The following WDR48 variants were observed in gnomAD, a reference collection of about 807,000 sequenced individuals.
WDR48 encodes the protein WD repeat-containing protein 48.
WDR48 carries 22 observed loss-of-function variants against 94.0 expected under a neutral mutation model. The observed-to-expected ratio is 0.23, with a 90% CI of 0.17 to 0.33. WDR48 has a LOEUF of 0.33. Among genes scored for constraint, WDR48 ranks in the 10% least tolerant of loss-of-function variants. The pLI is 1.00. For synonymous variants in WDR48, 278 were observed against 280.5 expected (o/e 0.99, Z 0.09); for missense variants, 541 against 813.8 (o/e 0.66, Z 4.08).
chr3:39,055,834 A>G (rs1305850660), intron 1 of WDR48, among the ~76,000 whole-genome samples: 4 of 152,120 alleles, frequency 2.6e-5, no homozygotes, highest in Non-Finnish European at 5.9e-5. Flanking sequence ...AGTGCTTCAC[A>G]GTGCTTGGGG....
chr3:39,065,556 C>CAAAA (rs34404622), intron 2 of WDR48, among the ~76,000 whole-genome samples: 1 of 116,562 alleles, frequency 8.6e-6, no homozygotes, highest in Admixed American at 8.8e-5. Context: ...TTTAACAAGG[C>CAAAA]AAAAAAAAAA....
intron 5 of WDR48, 107 bp downstream of exon 5, chr3:39,066,982 T>A (rs2033645955): frequency 7.4e-7 from 1 of 1,349,848 alleles, no homozygotes; most frequent in African/African-American, 1.5e-5. Flanking sequence ...GTGTTTCATA[T>A]TTTGAGAGTG....
chr3:39,070,905 T>G (rs1208825771), intron 7 of WDR48, among the ~76,000 whole-genome samples: 1 of 152,112 alleles, frequency 6.6e-6, no homozygotes, highest in Non-Finnish European at 1.5e-5. Context: ...ATTGTTCAGT[T>G]CCCACCTATG....
In WDR48 at chr3:39,094,858, T is replaced by A. The variant is rs1325441474; in HGVS notation, c.*115T>A. On this transcript the variant is annotated 3_prime_UTR_variant, in exon 19 of 19. Coordinates refer to ENST00000302313, the MANE Select transcript of WDR48 (RefSeq NM_020839.4). ...AGCAAGACTTCTAACGGCTGATTGG[T>A]ATGGACCGAGATTATCTTTCAATTG... 7.7e-6 allele frequency: 10 copies of A among 1,297,982 alleles called. No individual in the cohort carries two copies. Among genetic ancestry groups the A allele is most frequent in the Non-Finnish European group, 1.1e-5 (10 of 938,532 alleles). The allele number at this position is 1,297,982 out of a possible 1,614,324, so 80.4% of individuals were successfully genotyped here. A position where few individuals can be genotyped will look rare whatever the true frequency, so the allele number is the denominator to read the frequency against.
At chr3:39,058,686 C>G (rs1257771175) in intron 1 of WDR48, among the ~76,000 whole-genome samples, 1 of 152,132 alleles carries the variant, frequency 6.6e-6, no homozygotes, top group African/African-American at 2.4e-5. Context: ...CTTTTATATG[C>G]CAGACACTAT....
rs376829926 is a variant in WDR48 at position 39,065,241 on chromosome 3, CG to C, written c.190-569del. On this transcript the variant is annotated intron_variant, in intron 2 of 18. Coordinates refer to ENST00000302313, the MANE Select transcript of WDR48 (RefSeq NM_020839.4). ...GTGACACAGGTTGTCCTTTCTCAGC[CG>C]TTGGGTTTCCTTTCATCTCTGAAGG... Among the ~76,000 whole-genome samples the C allele has an allele frequency of 2.2e-4, 33 of 152,278 alleles. No individual in the cohort carries two copies. In the East Asian group the frequency reaches 4.0e-3, roughly 19 times the overall value.
intron 1 of WDR48, among the ~76,000 whole-genome samples, chr3:39,059,247 A>G (rs1575391313): frequency 2.0e-5 from 3 of 152,276 alleles, no homozygotes; most frequent in Admixed American, 2.0e-4. Flanking sequence ...AAAGCTGGAG[A>G]AAGAGTATTC....
At chr3:39,067,336 A>G (rs1415140751) in intron 5 of WDR48, among the ~76,000 whole-genome samples, 1 of 152,222 alleles carries the variant, frequency 6.6e-6, no homozygotes, top group African/African-American at 2.4e-5. Context: ...GGAGAAAGAA[A>G]GAAAAGGTTT....
At chr3:39,052,487 G>T (rs1042750700) in intron 1 of WDR48, 8 of 188,580 alleles carry the variant, frequency 4.2e-5, no homozygotes, top group Non-Finnish European at 8.8e-5. Context: ...AGGAGTGAGC[G>T]GCTTGTGCGG....
At chr3:39,087,922 AT>A (rs903431838) in intron 14 of WDR48, 5 of 543,614 alleles carry the variant, frequency 9.2e-6, no homozygotes, top group African/African-American at 7.6e-5. Context: ...AAATACAGTC[AT>A]TTTTTCCATG....
chr3:39,081,095 C>T (rs6766989), intron 11 of WDR48, among the ~76,000 whole-genome samples: 23,103 of 151,822 alleles, frequency 0.15, 3,495 homozygotes, highest in African/African-American at 0.4. Flanking sequence ...AGCTGGAAGA[C>T]GTCATGATTG....
rs1203768531 is a variant in WDR48, at chr3:39,088,183, C to G, written c.1530C>G (p.Pro510=). ...VQKGNGYFQV[P]PHTPVIFGEA... ...AGGGAAATGGATATTTTCAAGTGCCCCCACATACACCCGTGATCTTTGGTG... is the reference window on the plus strand; with the variant it reads ...AGGGAAATGGATATTTTCAAGTGCCGCCACATACACCCGTGATCTTTGGTG... Residue 510 remains proline, a synonymous_variant, in exon 15 of 19, where the codon CCC becomes CCG. Transcript: ENST00000302313. The G allele has an allele frequency of 6.2e-7, 1 of 1,614,090 alleles. No individual in the cohort carries two copies. Among genetic ancestry groups the G allele is most frequent in the South Asian group, 1.1e-5 (1 of 91,072 alleles).
At chr3:39,058,046 A>G (rs1455938176) in intron 1 of WDR48, among the ~76,000 whole-genome samples, 2 of 152,254 alleles carry the variant, frequency 1.3e-5, no homozygotes, top group Non-Finnish European at 2.9e-5. Context: ...ATATTTCACT[A>G]AAAATATATC....
At chr3:39,062,990 T>C in intron 1 of WDR48, 60 bp from the exon 2 acceptor site, 1 of 1,589,068 alleles carries the variant, frequency 6.3e-7, no homozygotes, top group Non-Finnish European at 8.6e-7. Context: ...ACTAGTAGAC[T>C]ATATTTTATT....
intron 11 of WDR48, 125 bp downstream of exon 11, chr3:39,079,933 A>ATAAGAAAG: frequency 2.0e-6 from 1 of 495,858 alleles, no homozygotes; most frequent in South Asian, 4.5e-5. Context: ...ATGGGGTGGT[A>ATAAGAAAG]TATACTTTCT....
rs550078013 is a variant in WDR48, at chr3:39,090,509, A to G, written c.1669-1116A>G. 1.2e-4 allele frequency: 19 copies of G among 152,334 alleles called. No individual in the cohort carries two copies. In the South Asian group the frequency reaches 3.5e-3, roughly 28 times the overall value. The allele number at this position is 152,334 out of a possible 1,614,324, so 9.4% of individuals were successfully genotyped here. On this transcript the variant is annotated intron_variant, in intron 16 of 18. Coordinates refer to ENST00000302313, the MANE Select transcript of WDR48 (RefSeq NM_020839.4). ...TTTCCTACTCCAAAGTAACAAAAAT[A>G]TTCTCCTATATTCTCTTCTAGTTCT...
chr3:39,092,369 T>G (rs2035123029), intron 17 of WDR48, among the ~76,000 whole-genome samples: 1 of 152,162 alleles, frequency 6.6e-6, no homozygotes, highest in Admixed American at 6.5e-5. Context: ...ATGTAATGAT[T>G]GGTAGAACTT....
intron 1 of WDR48, among the ~76,000 whole-genome samples, chr3:39,056,761 C>T (rs2032917332): frequency 6.6e-6 from 1 of 152,172 alleles, no homozygotes; most frequent in South Asian, 2.1e-4. Flanking sequence ...TGTGCCTTTT[C>T]TTATATTACT....
chr3:39,086,091 A>G (rs2125678597), intron 14 of WDR48, among the ~76,000 whole-genome samples: 2 of 152,272 alleles, frequency 1.3e-5, no homozygotes, highest in South Asian at 4.2e-4. Flanking sequence ...TCAAATTCCA[A>G]CTCAGAAGTG....
Sources: allele counts gnomAD v4.1 joint callset (sites outside exome capture counted in the v4.1 genomes callset), GRCh38; gene constraint gnomAD v4.1.1; transcripts MANE v1.5; gene names NCBI Gene and HGNC (gene_info 2026-07-23, HGNC 2026-07-21).